ESPN: variants seen among roughly 807,000 people sequenced by gnomAD.
ESPN encodes autosomal recessive deafness type 36 protein.
A neutral mutation model predicts 77.7 loss-of-function variants in ESPN; 68 were observed. The ratio of observed to expected loss-of-function variants is 0.87; its 90% confidence interval spans 0.72 to 1.07. The LOEUF is 1.07. Among genes scored for constraint, ESPN ranks in the 50% least tolerant of loss-of-function variants. The pLI is 0.00. For missense variants in ESPN, 1,060 were observed against 1,239.0 expected, an observed-to-expected ratio of 0.86 and a Z score of 2.17; for synonymous variants, 449 against 567.1, an observed-to-expected ratio of 0.79 and a Z score of 2.96.
In ESPN at chr1:6,450,788, G is replaced by A. The variant is rs1397276480; in HGVS notation, c.1916-815G>A. On this transcript the variant is annotated intron_variant, in intron 8 of 12. Transcript: ENST00000645284. This position sits in a 1 kb window ranked among gnomAD's most constrained non-coding sequence, Gnocchi z 4.3. Reference sequence around the variant, plus strand: ...ACTGCATTCTGGGATCCCCAGCCTGGGAATCCAAGAGCTGTCGGCCCATTT... The same window carrying A: ...ACTGCATTCTGGGATCCCCAGCCTGAGAATCCAAGAGCTGTCGGCCCATTT... 2.0e-5 allele frequency among the ~76,000 whole-genome samples: 3 copies of A among 152,008 alleles called. No individual in the cohort carries two copies. The highest frequency in any genetic ancestry group is 4.4e-5 in the Non-Finnish European group (3 of 68,002).
rs1215013592 is a variant in ESPN at position 6,450,964 on chromosome 1, C to T, written c.1916-639C>T. On this transcript the variant is annotated intron_variant, in intron 8 of 12. Transcript: ENST00000645284. The surrounding 1 kb of genome is among the most constrained non-coding windows in gnomAD (Gnocchi z 4.3). ...CGCCTGCCCTTCCTCCTGGGTGCCT[C>T]CCGTAGCCTTAGTAAGGGCTCTGCT... 6.6e-6 allele frequency among the ~76,000 whole-genome samples: 1 copy of T among 152,228 alleles called. No individual in the cohort carries two copies. Among genetic ancestry groups the T allele is most frequent in the Non-Finnish European group, 1.5e-5 (1 of 68,044 alleles).
intron 5 of ESPN, among the ~76,000 whole-genome samples, chr1:6,443,727 C>T (rs1467798943): frequency 6.6e-6 from 1 of 152,238 alleles, no homozygotes; most frequent in Non-Finnish European, 1.5e-5. Context: ...GCCAGGCCTG[C>T]CTCTCTCTCC....
intron 10 of ESPN, among the ~76,000 whole-genome samples, chr1:6,453,659 A>G (rs1005497607): frequency 1.3e-5 from 2 of 152,074 alleles, no homozygotes; most frequent in African/African-American, 4.8e-5. Context: ...CCCAGAAGAG[A>G]ACGGACTTTC....
At chr1:6,442,121 G>A (rs1643659977) in intron 5 of ESPN, among the ~76,000 whole-genome samples, 1 of 152,178 alleles carries the variant, frequency 6.6e-6, no homozygotes, top group Non-Finnish European at 1.5e-5. Flanking sequence ...AGGGACCGTG[G>A]GGGGTGGCAC....
At chr1:6,429,328 A>G (rs1320426384) in intron 2 of ESPN, among the ~76,000 whole-genome samples, 1 of 152,092 alleles carries the variant, frequency 6.6e-6, no homozygotes, top group Non-Finnish European at 1.5e-5. Flanking sequence ...GTATGAATTC[A>G]CTGCTTCCAA....
At chr1:6,440,605 C>T (rs1026285063) in intron 3 of ESPN, 21 bp from the exon 4 acceptor site, 17 of 1,185,400 alleles carry the variant, frequency 1.4e-5, no homozygotes, top group East Asian at 2.9e-5. Context: ...CCGCCCCCCT[C>T]TCCCCGCCCG....
At chr1:6,448,293 G>T (rs1207123473) in intron 7 of ESPN, among the ~76,000 whole-genome samples, 1 of 152,168 alleles carries the variant, frequency 6.6e-6, no homozygotes, top group East Asian at 1.9e-4. Flanking sequence ...CGAGGGCCTA[G>T]TGAGGGCTAA....
intron 3 of ESPN, 24 bp from the exon 4 acceptor site, chr1:6,440,602 C>CCCCCA: frequency 8.0e-7 from 1 of 1,256,478 alleles, no homozygotes. Flanking sequence ...CCCCCGCCCC[C>CCCCCA]CTCTCCCCGC....
rs775083503 is a variant in ESPN, at chr1:6,457,205, C to T, written c.2347C>T (p.Leu783=). 1 of 1,609,248 alleles carries T rather than the reference C, an allele frequency of 6.2e-7. No individual in the cohort carries two copies. The highest frequency in any genetic ancestry group is 1.1e-5 in the South Asian group (1 of 90,576). ...TCAGGAGGAGGAGGAGGAGGCCCGG[C>T]TGGCCAGCATGCCCGCCTGGAGGCG... ...RRKEEEEEAR[L]ASMPAWRRDL... is the part of the protein sequence containing the mutation. Residue 783 remains leucine, a synonymous_variant, in exon 11 of 13, where the codon CTG becomes TTG. Transcript: ENST00000645284.
chr1:6,448,399 G>A, intron 7 of ESPN: 2 of 487,366 alleles, frequency 4.1e-6, no homozygotes, highest in Non-Finnish European at 7.2e-6. Flanking sequence ...GGGCCCCTGT[G>A]CCCCTTGGCC....
chr1:6,455,942 G>A (rs1459660375), intron 10 of ESPN: 7 of 398,706 alleles, frequency 1.8e-5, no homozygotes, highest in African/African-American at 1.4e-4. Flanking sequence ...GGACCGAAGA[G>A]GCTGCTCCAT....
chr1:6,427,008 C>G lies in ESPN; in HGVS notation c.295-1218C>G, dbSNP rs986985797. On this transcript the variant is annotated intron_variant, in intron 1 of 12. Coordinates refer to ENST00000645284, the MANE Select transcript of ESPN (RefSeq NM_031475.3). The surrounding 1 kb of genome is among the most constrained non-coding windows in gnomAD (Gnocchi z 4.6). ...GAAGACCCTACTAGTGGCCCCGGCG[C>G]CCCCAGCTCCCTCCGTGCCCTCTTT... 3.3e-5 allele frequency among the ~76,000 whole-genome samples: 5 copies of G among 152,054 alleles called. No homozygotes were observed. The highest frequency in any genetic ancestry group is 1.2e-4 in the African/African-American group (5 of 41,408).
chr1:6,450,450 G>C lies in ESPN; in HGVS notation c.1916-1153G>C. ...CTCTCCTCTTGGTCCCTAGAAGTGA[G>C]AGTCCTGAGGCACAGGAAGAGTGAG... On this transcript the variant is annotated intron_variant, in intron 8 of 12. Transcript: ENST00000645284. The surrounding 1 kb of genome is among the most constrained non-coding windows in gnomAD (Gnocchi z 4.3). 3 of 977,644 alleles carry C rather than the reference G, an allele frequency of 3.1e-6. No individual in the cohort carries two copies. Among genetic ancestry groups the C allele is most frequent in the Non-Finnish European group, 3.6e-6 (3 of 822,520 alleles). The allele number at this position is 977,644 out of a possible 1,614,324, so 60.6% of individuals were successfully genotyped here. A position where few individuals can be genotyped will look rare whatever the true frequency, so the allele number is the denominator to read the frequency against.
chr1:6,452,349 C>T (rs1439544715), intron 10 of ESPN, among the ~76,000 whole-genome samples: 3 of 152,016 alleles, frequency 2.0e-5, no homozygotes, highest in Non-Finnish European at 4.4e-5. Flanking sequence ...GGATTACAGG[C>T]GCCTGCCACC....
chr1:6,426,915 T>C (rs1291288113), intron 1 of ESPN, among the ~76,000 whole-genome samples: 1 of 152,110 alleles, frequency 6.6e-6, no homozygotes, highest in African/African-American at 2.4e-5. Flanking sequence ...TCACATTCTC[T>C]GCCCCATCTT....
Position 6,428,420 on chromosome 1 carries a change from G to A in ESPN, c.488+1G>A. On this transcript the variant is annotated splice_donor_variant, in intron 2 of 12. Coordinates refer to ENST00000645284, the MANE Select transcript of ESPN (RefSeq NM_031475.3). LOFTEE classifies it high-confidence loss of function. The surrounding 1 kb of genome is among the most constrained non-coding windows in gnomAD (Gnocchi z 5.4). The stretch of plus-strand genomic sequence containing the variant: ...GGCTTCTCGTCGAGCACTACCCTGA[G>A]TAAGATCACCCCTCTTAAGGGGTCC... 5.6e-6 allele frequency: 9 copies of A among 1,608,654 alleles called. No individual in the cohort carries two copies. The highest frequency in any genetic ancestry group is 7.6e-6 in the Non-Finnish European group (9 of 1,176,598).
chr1:6,435,957 G>A (rs1643421394), intron 2 of ESPN, among the ~76,000 whole-genome samples: 1 of 152,234 alleles, frequency 6.6e-6, no homozygotes, highest in Non-Finnish European at 1.5e-5. Context: ...GAGACAAGAA[G>A]CAAGACTGTG....
chr1:6,426,080 G>T, intron 1 of ESPN, among the ~76,000 whole-genome samples: 1 of 152,250 alleles, frequency 6.6e-6, no homozygotes, highest in East Asian at 1.9e-4. Flanking sequence ...TGGGTGTGGG[G>T]GCAGCCATGG....
Position 6,444,519 on chromosome 1 carries a change from A to G in ESPN, c.1029A>G (p.Ala343=). The G allele has an allele frequency of 6.2e-7, 1 of 1,614,198 alleles. No homozygotes were observed. Residue 343 remains alanine, a synonymous_variant, in exon 6 of 13, where the codon GCA becomes GCG. Transcript: ENST00000645284. ...EHRVLSRDPS[A]ELEAKQPDSG... ...GCGTGCTTTCCCGGGATCCATCCGC[A>G]GAGCTGGAGGCTAAGCAGCCGGATT...
Sources: allele counts gnomAD v4.1 joint callset (sites outside exome capture counted in the v4.1 genomes callset), GRCh38; gene constraint gnomAD v4.1.1; non-coding constraint Gnocchi (gnomAD v3.1); transcripts MANE v1.5; gene names NCBI Gene and HGNC (gene_info 2026-07-23, HGNC 2026-07-21).